Variants in GNB5 observed in about 807,000 individuals in gnomAD.
GNB5 encodes guanine nucleotide-binding protein subunit beta-5.
Under a neutral mutation model 55.3 loss-of-function variants are expected in GNB5, and 37 were observed. The observed-to-expected ratio is 0.67, with a 90% confidence interval of 0.51 to 0.88. The LOEUF (loss-of-function observed/expected upper bound fraction) is 0.88. Among genes scored for constraint, GNB5 ranks in the 40% least tolerant of loss-of-function variants. The pLI is 0.00. For missense variants in GNB5, 476 were observed against 515.3 expected, an observed-to-expected ratio of 0.92 and a Z score of 0.74; for synonymous variants, 219 against 198.5, an observed-to-expected ratio of 1.10 and a Z score of -0.87.
Position 52,122,752 on chromosome 15 carries a change from G to T in GNB5, c.*5C>A. The stretch of plus-strand genomic sequence containing the variant: ...GGTATACATGAGTGCACTGTCAGAA[G>T]ATGATTAGGCCCAGACCTGTGAAGA... On this transcript the variant is annotated 3_prime_UTR_variant, in exon 13 of 13. Coordinates refer to ENST00000261837, the MANE Select transcript of GNB5 (RefSeq NM_016194.4). 2 of 1,599,288 alleles carry T rather than the reference G, an allele frequency of 1.3e-6. No individual in the cohort carries two copies. The highest frequency in any genetic ancestry group is 8.6e-7 in the Non-Finnish European group (1 of 1,166,402).
intron 3 of GNB5, among the ~76,000 whole-genome samples, chr15:52,169,538 C>CAAAAAAAAAAAAAAAAAAAA (rs60470864): frequency 1.1e-4 from 8 of 71,494 alleles, no homozygotes; most frequent in Non-Finnish European, 1.7e-4. Flanking sequence ...GACTCTGTCT[C>CAAAAAAAAAAAAAAAAAAAA]AAAAAAAAAA....
chr15:52,174,976 G>C (rs1286003823), intron 3 of GNB5, among the ~76,000 whole-genome samples: 1 of 152,154 alleles, frequency 6.6e-6, no homozygotes, highest in Non-Finnish European at 1.5e-5. Context: ...GTGGGGCCGA[G>C]GGAGGAGAAT....
rs148257318 is a variant in GNB5 at position 52,142,883 on chromosome 15, G to A, written c.495-1611C>T. On this transcript the variant is annotated intron_variant, in intron 6 of 12. Coordinates refer to ENST00000261837, the MANE Select transcript of GNB5 (RefSeq NM_016194.4). ...ACAATGTGCGGAGGAGGCTGGGCAC[G>A]GTGGCTCACATCTGTAATCCTAGCA... Among the ~76,000 whole-genome samples the A allele has an allele frequency of 2.7e-3, 412 of 150,800 alleles. 1 individual carries two copies. The highest frequency in any genetic ancestry group is 9.8e-3 in the African/African-American group (404 of 41,016).
intron 2 of GNB5, 121 bp from the exon 3 acceptor site, chr15:52,180,000 A>C: frequency 8.0e-7 from 1 of 1,252,554 alleles, no homozygotes; most frequent in Non-Finnish European, 1.0e-6. Context: ...GCCCTCCGCG[A>C]TGACGCCAGC....
intron 3 of GNB5, among the ~76,000 whole-genome samples, chr15:52,177,510 G>C (rs1186215673): frequency 6.6e-6 from 1 of 151,778 alleles, no homozygotes; most frequent in Non-Finnish European, 1.5e-5. Flanking sequence ...AATTACTTGG[G>C]TGTGGTGGCA....
chr15:52,179,739 GC>G, intron 3 of GNB5, 28 bp downstream of exon 3: 2 of 1,231,744 alleles, frequency 1.6e-6, no homozygotes, highest in African/African-American at 1.6e-5. Context: ...GGTCCGGCTT[GC>G]CCCGCCCGCC....
In GNB5 at chr15:52,120,952, T is replaced by C. The variant is rs1351879673; in HGVS notation, c.*1805A>G. 6.6e-6 allele frequency: 1 copy of C among 152,234 alleles called. No homozygotes were observed. Among genetic ancestry groups the C allele is most frequent in the Non-Finnish European group, 1.5e-5 (1 of 68,048 alleles). The allele number at this position is 152,234 out of a possible 1,614,324, so 9.4% of individuals were successfully genotyped here. The stretch of plus-strand genomic sequence containing the variant: ...CAAATGATCAAATATAATTATTATG[T>C]TTATTTGAAGTGAGATGATGGAAAA... On this transcript the variant is annotated 3_prime_UTR_variant, in exon 13 of 13. Transcript: ENST00000261837.
intron 2 of GNB5, among the ~76,000 whole-genome samples, chr15:52,181,375 G>T (rs1326352435): frequency 1.3e-5 from 2 of 152,178 alleles, no homozygotes; most frequent in African/African-American, 4.8e-5. Flanking sequence ...CAACACTTCG[G>T]GAGGCCAAGG....
chr15:52,173,015 T>A (rs987490554), intron 3 of GNB5, among the ~76,000 whole-genome samples: 1 of 152,218 alleles, frequency 6.6e-6, no homozygotes, highest in South Asian at 2.1e-4. Flanking sequence ...GCCAATCTTT[T>A]TTTTTCATTT....
rs777855020 is a variant in GNB5 at position 52,128,177 on chromosome 15, CA to C, written c.912+18del. On this transcript the variant is annotated intron_variant, in intron 10 of 12. Transcript: ENST00000261837. ...CCCTCTATTGACTAGGAAAAGCTCT[CA>C]AAAACTTAGAAACATACCGTAGCGT... is the stretch of plus-strand genomic sequence containing the variant. The C allele has an allele frequency of 6.3e-7, 1 of 1,577,844 alleles. No homozygotes were observed. The highest frequency in any genetic ancestry group is 2.2e-5 in the East Asian group (1 of 44,694).
chr15:52,125,696 C>T, intron 11 of GNB5: 1 of 349,470 alleles, frequency 2.9e-6, no homozygotes, highest in Non-Finnish European at 5.1e-6. Flanking sequence ...ATTTCTGACA[C>T]TTCATTGCCT....
At chr15:52,153,799 T>C (rs1257704355) in intron 4 of GNB5, 141 bp downstream of exon 4, 1 of 675,302 alleles carries the variant, frequency 1.5e-6, no homozygotes, top group Non-Finnish European at 2.5e-6. Flanking sequence ...GTAAGAGAGT[T>C]CTTTATGCTA....
chr15:52,150,960 T>C (rs60525483), intron 4 of GNB5, among the ~76,000 whole-genome samples: 3,087 of 152,230 alleles, frequency 0.02, 98 homozygotes, highest in African/African-American at 0.072. Flanking sequence ...ATGGAAAACA[T>C]CACTTAAGGG....
At chr15:52,186,843 G>T (rs1174124746) in intron 1 of GNB5, among the ~76,000 whole-genome samples, 1 of 152,086 alleles carries the variant, frequency 6.6e-6, no homozygotes, top group Non-Finnish European at 1.5e-5. Flanking sequence ...GTTGGGCTGA[G>T]CTCTTACAGC....
chr15:52,161,532 C>G (rs868502779), intron 3 of GNB5, among the ~76,000 whole-genome samples: 8 of 152,308 alleles, frequency 5.3e-5, no homozygotes, highest in African/African-American at 1.7e-4. Flanking sequence ...AAGTCCTGGC[C>G]TCAAGTGGTC....
chr15:52,163,707 G>A (rs899708570), intron 3 of GNB5, among the ~76,000 whole-genome samples: 10 of 152,220 alleles, frequency 6.6e-5, no homozygotes, highest in African/African-American at 1.9e-4. Context: ...CCAGCACAGC[G>A]TATCTGCTCC....
intron 3 of GNB5, 109 bp from the exon 4 acceptor site, chr15:52,154,185 T>G: frequency 2.1e-6 from 2 of 952,240 alleles, no homozygotes; most frequent in African/African-American, 1.6e-5. Context: ...CCCATGGGCT[T>G]CCTCCATAAC....
intron 3 of GNB5, among the ~76,000 whole-genome samples, chr15:52,174,067 T>C (rs554123259): frequency 6.6e-6 from 1 of 152,238 alleles, no homozygotes; most frequent in South Asian, 2.1e-4. Context: ...TGGATCCTAA[T>C]AAGAGGGAGC....
rs901548428 is a variant in GNB5 at position 52,120,304 on chromosome 15, C to G, written c.*2453G>C. 6.6e-6 allele frequency: 1 copy of G among 152,266 alleles called. No homozygotes were observed. Among genetic ancestry groups the G allele is most frequent in the Non-Finnish European group, 1.5e-5 (1 of 68,034 alleles). The allele number at this position is 152,266 out of a possible 1,614,324, so 9.4% of individuals were successfully genotyped here. On this transcript the variant is annotated 3_prime_UTR_variant, in exon 13 of 13. Transcript: ENST00000261837. ...ACAATCTATCCCATGGAGCTTACCC[C>G]TGAGTCTCCACATGCTGTCACATAG... is the stretch of plus-strand genomic sequence containing the variant.
Sources: gnomAD v4.1 joint callset for allele counts (sites outside exome capture counted in the v4.1 genomes callset) on GRCh38, gnomAD v4.1.1 for gene constraint, MANE v1.5 for transcripts, NCBI Gene and HGNC (gene_info 2026-07-23, HGNC 2026-07-21) for gene names.